Variants in SLC38A12 observed in about 807,000 individuals in gnomAD.
SLC38A12 encodes putative sodium-coupled neutral amino acid transporter 12.
chr17:74,789,446 C>T, the SLC38A12 span, among the ~76,000 whole-genome samples: 4 of 150,186 alleles, frequency 2.7e-5, no homozygotes, highest in South Asian at 4.2e-4. Flanking sequence ...ACAAGAATTG[C>T]GTGAATCGGG....
At chr17:74,790,851 A>C in the SLC38A12 span, 1 of 938,530 alleles carries the variant, frequency 1.1e-6, no homozygotes, top group African/African-American at 1.7e-5. Context: ...GAGTTTGGAC[A>C]CTTGGGGATT....
the SLC38A12 span, chr17:74,838,705 C>G: frequency 7.0e-7 from 1 of 1,435,186 alleles, no homozygotes; most frequent in African/African-American, 1.4e-5. Flanking sequence ...TCACCTTCCT[C>G]TCCATCGATG....
chr17:74,783,799 T>C, the SLC38A12 span, among the ~76,000 whole-genome samples: 1 of 148,432 alleles, frequency 6.7e-6, no homozygotes, highest in Non-Finnish European at 1.5e-5. Context: ...GGCGCAATCT[T>C]GGCTCACTGC....
At chr17:74,803,483 C>T in the SLC38A12 span, among the ~76,000 whole-genome samples, 204 of 152,330 alleles carry the variant, frequency 1.3e-3, 1 homozygote, top group African/African-American at 4.8e-3. Context: ...AGCTTCCAGG[C>T]AGGGCTCAGT....
At chr17:74,792,787 G>A in the SLC38A12 span, among the ~76,000 whole-genome samples, 2 of 152,214 alleles carry the variant, frequency 1.3e-5, no homozygotes, top group African/African-American at 2.4e-5. Flanking sequence ...CTGCTGGACC[G>A]GCCTCACAGA....
the SLC38A12 span, among the ~76,000 whole-genome samples, chr17:74,829,725 G>C: frequency 6.6e-6 from 1 of 152,080 alleles, no homozygotes; most frequent in Non-Finnish European, 1.5e-5. The surrounding 1 kb of genome is among the most constrained non-coding windows in gnomAD (Gnocchi z 4.1). Context: ...GCGGAGGTAG[G>C]GGCTCCTGGG....
the SLC38A12 span, chr17:74,836,936 G>A: frequency 7.5e-7 from 1 of 1,325,080 alleles, no homozygotes; most frequent in East Asian, 3.0e-5. This position sits in a 1 kb window ranked among gnomAD's most constrained non-coding sequence, Gnocchi z 4.2. Flanking sequence ...CTGCTCCCAA[G>A]TTCTAAGACT....
At chr17:74,794,602 TTA>T in the SLC38A12 span, among the ~76,000 whole-genome samples, 151 of 152,296 alleles carry the variant, frequency 9.9e-4, no homozygotes, top group African/African-American at 3.5e-3. Context: ...ATCTCTTGTC[TTA>T]GAGCCCGGTG....
At chr17:74,788,980 C>A in the SLC38A12 span, 1 of 910,752 alleles carries the variant, frequency 1.1e-6, no homozygotes, top group Non-Finnish European at 1.6e-6. Flanking sequence ...GCTCTGTCCA[C>A]GGCACTGCTC....
At chr17:74,801,134 T>C in the SLC38A12 span, among the ~76,000 whole-genome samples, 1 of 152,220 alleles carries the variant, frequency 6.6e-6, no homozygotes, top group East Asian at 1.9e-4. Flanking sequence ...ATGTAGGGGC[T>C]CACTGGGGTG....
At chr17:74,826,421 C>T in the SLC38A12 span, among the ~76,000 whole-genome samples, 1,826 of 152,354 alleles carry the variant, frequency 0.012, 44 homozygotes, top group African/African-American at 0.042. Context: ...CTCTCCTCTT[C>T]TCCCGGGGTG....
At chr17:74,778,925 C>T in the SLC38A12 span, among the ~76,000 whole-genome samples, 4 of 152,118 alleles carry the variant, frequency 2.6e-5, no homozygotes, top group Non-Finnish European at 4.4e-5. Flanking sequence ...GCCTCAGCCT[C>T]CCAAAGTGCT....
chr17:74,790,863 C>T, the SLC38A12 span: 1 of 1,131,818 alleles, frequency 8.8e-7, no homozygotes, highest in Non-Finnish European at 1.3e-6. Context: ...TTGGGGATTT[C>T]ATGGTTTAGA....
At chr17:74,837,861 C>T in the SLC38A12 span, 4 of 985,904 alleles carry the variant, frequency 4.1e-6, no homozygotes, top group Admixed American at 6.1e-5. Context: ...CCCCCTGACC[C>T]TCACTGGCTT....
At chr17:74,787,394 A>G in the SLC38A12 span, among the ~76,000 whole-genome samples, 85,302 of 147,296 alleles carry the variant, frequency 0.58, 24,439 homozygotes, top group Non-Finnish European at 0.61. Context: ...AGGCCGAGGC[A>G]GGTGGATCAT....
the SLC38A12 span, chr17:74,839,059 CTT>C: frequency 1.3e-6 from 2 of 1,535,602 alleles, no homozygotes; most frequent in Non-Finnish European, 1.7e-6. Flanking sequence ...TGGGAGTAAA[CTT>C]TCTTTGCCTC....
At chr17:74,793,079 C>T in the SLC38A12 span, among the ~76,000 whole-genome samples, 1 of 152,160 alleles carries the variant, frequency 6.6e-6, no homozygotes, top group Admixed American at 6.5e-5. Context: ...TTTTTGCCCC[C>T]CACTACAGAC....
chr17:74,838,891 G>GC, the SLC38A12 span: 2 of 1,535,244 alleles, frequency 1.3e-6, no homozygotes, highest in African/African-American at 2.7e-5. Flanking sequence ...TTGCAGATGG[G>GC]CCCCCGGGGT....
At chr17:74,780,215 C>G in the SLC38A12 span, among the ~76,000 whole-genome samples, 1 of 152,224 alleles carries the variant, frequency 6.6e-6, no homozygotes, top group South Asian at 2.1e-4. Flanking sequence ...CGCATCTTTG[C>G]TGCCTTCTGT....
Sources: allele counts gnomAD v4.1 joint callset (sites outside exome capture counted in the v4.1 genomes callset), GRCh38; gene constraint gnomAD v4.1.1; non-coding constraint Gnocchi (gnomAD v3.1); transcripts MANE v1.5; gene names NCBI Gene and HGNC (gene_info 2026-07-23, HGNC 2026-07-21).